The following ACTR3C variants were observed in gnomAD, a reference collection of about 807,000 sequenced individuals.
ACTR3C encodes the protein actin related protein 3C, also known as actin-related protein 3C.
ACTR3C carries 18 observed loss-of-function variants against 26.3 expected under a neutral mutation model. That is an observed-to-expected ratio of 0.68 (90% CI 0.47 to 1.01). The LOEUF (loss-of-function observed/expected upper bound fraction) is 1.01, where lower values mean the gene tolerates loss of function less well. Ranked by LOEUF, ACTR3C falls within the 50% of genes least tolerant of loss-of-function variation. The pLI, the probability that ACTR3C is intolerant of heterozygous loss-of-function variation, is 0.00. For missense variants in ACTR3C, 184 were observed against 250.7 expected (o/e 0.73, Z 1.80); for synonymous variants, 55 against 94.5 (o/e 0.58, Z 2.42).
At chr7:149,932,030 A>G in the ACTR3C span, among the ~76,000 whole-genome samples, 68 of 152,366 alleles carry the variant, frequency 4.5e-4, 1 homozygote, top group South Asian at 0.013. Flanking sequence ...AAACTTGAGC[A>G]TAACAGTTCA....
At chr7:149,921,267 C>T in the ACTR3C span, among the ~76,000 whole-genome samples, 77 of 152,300 alleles carry the variant, frequency 5.1e-4, no homozygotes, top group Non-Finnish European at 9.6e-4. Flanking sequence ...TAGATGCCTT[C>T]TGGACTCTTC....
At chr7:150,110,565 G>GA in the ACTR3C span, among the ~76,000 whole-genome samples, 7 of 25,030 alleles carry the variant, frequency 2.8e-4, no homozygotes, top group Non-Finnish European at 5.2e-4. Context: ...ACTCTGGCTG[G>GA]AGCAGGTGGG....
chr7:150,057,276 CTTTTTTTTTTT>C, the ACTR3C span, among the ~76,000 whole-genome samples: 2 of 113,970 alleles, frequency 1.8e-5, no homozygotes, highest in Non-Finnish European at 3.5e-5. Flanking sequence ...GGAATAGGTC[CTTTTTTTTTTT>C]TTTTTTTTTT....
chr7:150,043,571 A>G, the ACTR3C span, among the ~76,000 whole-genome samples: 1 of 152,220 alleles, frequency 6.6e-6, no homozygotes, highest in Non-Finnish European at 1.5e-5. Flanking sequence ...ACCTGGCCTC[A>G]TGGCTCCCAC....
chr7:150,110,460 AGAGGGTGGGGCTTACT>A, the ACTR3C span, among the ~76,000 whole-genome samples: 1 of 113,718 alleles, frequency 8.8e-6, no homozygotes, highest in African/African-American at 3.4e-5. Context: ...TGGGGCTGGA[AGAGGGTGGGGCTTACT>A]AAGAGATTCA....
the ACTR3C span, among the ~76,000 whole-genome samples, chr7:150,120,092 G>T: frequency 6.6e-6 from 1 of 152,178 alleles, no homozygotes; most frequent in Non-Finnish European, 1.5e-5. Flanking sequence ...GCAGTGTTTA[G>T]ACGGACATTT....
At chr7:150,152,659 G>C in the ACTR3C span, among the ~76,000 whole-genome samples, 11 of 152,194 alleles carry the variant, frequency 7.2e-5, no homozygotes, top group Non-Finnish European at 1.3e-4. Context: ...CTCATAAGAC[G>C]AGTTAGGGAG....
the ACTR3C span, among the ~76,000 whole-genome samples, chr7:149,886,400 CG>C: frequency 2.0e-5 from 3 of 151,934 alleles, no homozygotes; most frequent in East Asian, 1.9e-4. Flanking sequence ...TTTTGGAGGA[CG>C]GGGGGAGGAA....
the ACTR3C span, among the ~76,000 whole-genome samples, chr7:149,954,051 T>C: frequency 7.0e-6 from 1 of 143,012 alleles, no homozygotes; most frequent in African/African-American, 2.7e-5. Context: ...TTTTTCCCCA[T>C]ACGCTGAAGT....
At chr7:149,941,217 C>A in the ACTR3C span, among the ~76,000 whole-genome samples, 2 of 152,108 alleles carry the variant, frequency 1.3e-5, no homozygotes, top group African/African-American at 4.8e-5. Flanking sequence ...AGGTTCCTGG[C>A]ATATAAATGG....
the ACTR3C span, among the ~76,000 whole-genome samples, chr7:150,165,985 G>A: frequency 6.6e-6 from 1 of 151,728 alleles, no homozygotes; most frequent in Non-Finnish European, 1.5e-5. Flanking sequence ...TTTCTTTGGT[G>A]TTGAAACTGT....
the ACTR3C span, among the ~76,000 whole-genome samples, chr7:150,206,506 C>T: frequency 4.9e-3 from 741 of 152,206 alleles, 8 homozygotes; most frequent in African/African-American, 0.017. Flanking sequence ...CTCCACCTCC[C>T]GGGGTCAAGC....
At chr7:149,938,057 G>T in the ACTR3C span, among the ~76,000 whole-genome samples, 1 of 152,200 alleles carries the variant, frequency 6.6e-6, no homozygotes, top group African/African-American at 2.4e-5. Context: ...TAGAGCAGCA[G>T]CAGCCCAGCT....
the ACTR3C span, among the ~76,000 whole-genome samples, chr7:150,230,273 C>G: frequency 1.3e-5 from 2 of 152,002 alleles, no homozygotes; most frequent in Admixed American, 1.3e-4. Flanking sequence ...CTAATGAAAC[C>G]ATTTGGGCCT....
the ACTR3C span, among the ~76,000 whole-genome samples, chr7:149,924,604 CA>C: frequency 6.6e-6 from 1 of 152,010 alleles, no homozygotes; most frequent in Non-Finnish European, 1.5e-5. Flanking sequence ...AGAGGTAAAA[CA>C]ATCTCTTTTG....
chr7:150,054,482 T>C, the ACTR3C span, among the ~76,000 whole-genome samples: 1 of 152,224 alleles, frequency 6.6e-6, no homozygotes, highest in East Asian at 1.9e-4. Context: ...TACAAAAACA[T>C]GTCCCTATTG....
At chr7:149,976,590 AG>A in the ACTR3C span, among the ~76,000 whole-genome samples, 4 of 126,332 alleles carry the variant, frequency 3.2e-5, no homozygotes, top group East Asian at 2.0e-4. Context: ...AAAAAAAAAA[AG>A]AGAGAGAGAA....
At chr7:150,052,853 G>A in the ACTR3C span, among the ~76,000 whole-genome samples, 129 of 106,172 alleles carry the variant, frequency 1.2e-3, 14 homozygotes, top group African/African-American at 3.9e-3. Context: ...AACCATAATC[G>A]ACTCTTCTCC....
the ACTR3C span, among the ~76,000 whole-genome samples, chr7:150,041,640 C>G: frequency 4.2e-5 from 5 of 118,000 alleles, no homozygotes; most frequent in Non-Finnish European, 9.8e-5. Context: ...GGGTGCCTCC[C>G]CCCCCCTGCG....
Sources: gnomAD v4.1 joint callset for allele counts (sites outside exome capture counted in the v4.1 genomes callset) on GRCh38, gnomAD v4.1.1 for gene constraint, MANE v1.5 for transcripts, NCBI Gene and HGNC (gene_info 2026-07-23, HGNC 2026-07-21) for gene names.